ADAMTS3: variants seen among roughly 807,000 people sequenced by gnomAD.
ADAMTS3 encodes the protein ADAM metallopeptidase with thrombospondin type 1 motif 3, also known as A disintegrin and metalloproteinase with thrombospondin motifs 3.
A neutral mutation model predicts 129.0 loss-of-function variants in ADAMTS3; 73 were observed. That is an observed-to-expected ratio of 0.57 (90% CI 0.47 to 0.69). ADAMTS3 has a LOEUF of 0.69. ADAMTS3 is among the 30% of genes least tolerant of loss of function. ADAMTS3 has a pLI of 0.00. For synonymous variants in ADAMTS3, 477 were observed against 510.8 expected (o/e 0.93, Z 0.89); for missense variants, 1,457 against 1,514.5 (o/e 0.96, Z 0.63).
intron 3 of ADAMTS3, among the ~76,000 whole-genome samples, chr4:72,445,310 A>G (rs568138824): frequency 2.0e-5 from 3 of 151,864 alleles, no homozygotes; most frequent in Admixed American, 2.0e-4. Flanking sequence ...TATAAGCATA[A>G]ATCTGAGAGG....
At chr4:72,429,169 T>C (rs931459749) in intron 3 of ADAMTS3, among the ~76,000 whole-genome samples, 1 of 152,108 alleles carries the variant, frequency 6.6e-6, no homozygotes, top group African/African-American at 2.4e-5. Flanking sequence ...AATGAACTTT[T>C]GGATGTTTAT....
chr4:72,355,980 G>C (rs569381155), intron 4 of ADAMTS3, among the ~76,000 whole-genome samples: 1 of 151,936 alleles, frequency 6.6e-6, no homozygotes, highest in Non-Finnish European at 1.5e-5. Flanking sequence ...TATATAAATG[G>C]TTTTGACTGC....
intron 3 of ADAMTS3, 110 bp downstream of exon 3, chr4:72,548,368 G>A (rs928079704): frequency 4.5e-5 from 52 of 1,157,160 alleles, no homozygotes; most frequent in Non-Finnish European, 5.9e-5. Context: ...AACTTAAAAT[G>A]TAACATAACA....
chr4:72,374,784 A>C (rs1721097710), intron 4 of ADAMTS3, among the ~76,000 whole-genome samples: 1 of 152,210 alleles, frequency 6.6e-6, no homozygotes, highest in Non-Finnish European at 1.5e-5. Flanking sequence ...CTATGACATC[A>C]AAAATGACAA....
chr4:72,304,633 G>T (rs1441129037), intron 16 of ADAMTS3, among the ~76,000 whole-genome samples: 1 of 151,948 alleles, frequency 6.6e-6, no homozygotes. Context: ...AGAAAAAGCT[G>T]CTTACTGCTA....
rs551303447 is a variant in ADAMTS3, at chr4:72,515,397, T to G, written c.504+33081A>C. Among the ~76,000 whole-genome samples the G allele has an allele frequency of 6.6e-5, 10 of 152,082 alleles. No homozygotes were observed. In the East Asian group the frequency reaches 1.7e-3, roughly 26 times the overall value. Reference sequence around the variant, plus strand: ...AATGGTATTTCTAGTTCTAGATCCTTGAGGAATCGCCACACTGACTTCCAC... The same window carrying G: ...AATGGTATTTCTAGTTCTAGATCCTGGAGGAATCGCCACACTGACTTCCAC... On this transcript the variant is annotated intron_variant, in intron 3 of 21. Transcript: ENST00000286657.
At chr4:72,390,495 T>G (rs956968708) in intron 4 of ADAMTS3, among the ~76,000 whole-genome samples, 2 of 152,184 alleles carry the variant, frequency 1.3e-5, no homozygotes, top group Non-Finnish European at 2.9e-5. Flanking sequence ...TCAGGCAGAC[T>G]ACATCCAAAG....
At chr4:72,381,889 G>A (rs1226733082) in intron 4 of ADAMTS3, among the ~76,000 whole-genome samples, 1 of 152,156 alleles carries the variant, frequency 6.6e-6, no homozygotes, top group Non-Finnish European at 1.5e-5. Flanking sequence ...AAGAAAAGTT[G>A]GGATAGATCT....
At chr4:72,484,497 A>G (rs9760525) in intron 3 of ADAMTS3, among the ~76,000 whole-genome samples, 148,268 of 152,306 alleles carry the variant, frequency 0.97, 72,312 homozygotes, top group East Asian at 1. Flanking sequence ...TTAAGGCACA[A>G]ATGGAGTTGT....
At position 72,548,719 on chromosome 4, in the gene ADAMTS3, C is replaced by G. The variant is rs759869274; in HGVS notation, c.263G>C (p.Gly88Ala). 1.2e-6 allele frequency: 2 copies of G among 1,613,894 alleles called. No individual in the cohort carries two copies. Among genetic ancestry groups the G allele is most frequent in the Non-Finnish European group, 1.7e-6 (2 of 1,179,956 alleles). ...EQLFFNITAFGKDFHLRLKPN... is the reference protein window; with the variant it reads ...EQLFFNITAFAKDFHLRLKPN... ...CTTTAGTCGCAGATGAAAATCTTTTCCAAATGCCGTGATGTTAAAGAACAA... is the reference window on the plus strand; with the variant it reads ...CTTTAGTCGCAGATGAAAATCTTTTGCAAATGCCGTGATGTTAAAGAACAA... The change falls in exon 3 of 22, where the codon GGA (glycine) becomes GCA (alanine). Residue 88 changes from glycine (G) to alanine (A), a missense_variant. By Grantham distance (60) the Gly-to-Ala change is moderately conservative (BLOSUM62 0). Coordinates refer to ENST00000286657, the MANE Select transcript of ADAMTS3 (RefSeq NM_014243.3).
Position 72,437,233 on chromosome 4 carries a change from C to A in ADAMTS3, c.505-22262G>T, listed in dbSNP as rs576844741. On this transcript the variant is annotated intron_variant, in intron 3 of 21. Transcript: ENST00000286657. ...GCAGGTCTCTTGCAACGGAAATGAA[C>A]ATTTTTAAAAAATACATATTTAGGA... Among the ~76,000 whole-genome samples the A allele has an allele frequency of 5.9e-5, 9 of 151,944 alleles. No individual in the cohort carries two copies. The East Asian group carries it at 1.6e-3, about 26-fold the overall frequency.
intron 3 of ADAMTS3, among the ~76,000 whole-genome samples, chr4:72,463,076 CA>C (rs1266513110): frequency 6.6e-6 from 1 of 152,024 alleles, no homozygotes; most frequent in Admixed American, 6.6e-5. Context: ...ATCTTTGATA[CA>C]GTATTTTTAT....
intron 12 of ADAMTS3, among the ~76,000 whole-genome samples, 170 bp downstream of exon 12, chr4:72,313,507 A>G (rs1008691772): frequency 6.6e-6 from 1 of 152,232 alleles, no homozygotes; most frequent in African/African-American, 2.4e-5. Context: ...TTGTCACAAG[A>G]TTAATAAATG....
intron 15 of ADAMTS3, among the ~76,000 whole-genome samples, chr4:72,307,250 G>A (rs999324807): frequency 2.0e-5 from 3 of 151,934 alleles, no homozygotes; most frequent in African/African-American, 7.2e-5. Flanking sequence ...TTTGGGATCA[G>A]GGTGTTCAGC....
At chr4:72,317,093 A>G (rs1459898751) in intron 10 of ADAMTS3, among the ~76,000 whole-genome samples, 1 of 152,156 alleles carries the variant, frequency 6.6e-6, no homozygotes, top group Non-Finnish European at 1.5e-5. Flanking sequence ...CTTACCAATC[A>G]TTATATTTTT....
chr4:72,288,923 TACACACACACAC>T lies in ADAMTS3; in HGVS notation c.2932-67_2932-56del, dbSNP rs33967517. ...ATTTATTGCACCAAGACCATGCACA[TACACACACACAC>T]ACACACACACACACACACACACACA... On this transcript the variant is annotated intron_variant, in intron 20 of 21. Coordinates refer to ENST00000286657, the MANE Select transcript of ADAMTS3 (RefSeq NM_014243.3). 8.0e-4 allele frequency: 363 copies of T among 452,730 alleles called. 2 individuals are homozygous for T. The highest frequency in any genetic ancestry group is 6.1e-3 in the African/African-American group (279 of 45,934). The allele number at this position is 452,730 out of a possible 1,614,324, so 28.0% of individuals were successfully genotyped here. A position where few individuals can be genotyped will look rare whatever the true frequency, so the allele number is the denominator to read the frequency against.
intron 2 of ADAMTS3, among the ~76,000 whole-genome samples, chr4:72,554,858 T>C (rs1193339685): frequency 6.6e-6 from 1 of 151,846 alleles, no homozygotes; most frequent in African/African-American, 2.4e-5. Context: ...ATACTTAGGT[T>C]CTACCACTTA....
chr4:72,384,808 T>C (rs1721392934), intron 4 of ADAMTS3, among the ~76,000 whole-genome samples: 1 of 152,042 alleles, frequency 6.6e-6, no homozygotes, highest in Non-Finnish European at 1.5e-5. Context: ...TATTTACGTT[T>C]AAAGCAAAAA....
chr4:72,421,023 G>C (rs571063443), intron 3 of ADAMTS3, among the ~76,000 whole-genome samples: 1 of 152,298 alleles, frequency 6.6e-6, no homozygotes, highest in Non-Finnish European at 1.5e-5. Flanking sequence ...AAGAAGAAAA[G>C]TTCATAAAGA....
Sources: allele counts gnomAD v4.1 joint callset (sites outside exome capture counted in the v4.1 genomes callset), GRCh38; gene constraint gnomAD v4.1.1; transcripts MANE v1.5; gene names NCBI Gene and HGNC (gene_info 2026-07-23, HGNC 2026-07-21).